Variants in RPS6KA6 observed in about 807,000 individuals in gnomAD.
RPS6KA6 encodes the protein ribosomal protein S6 kinase alpha-6.
RPS6KA6 carries 27 observed loss-of-function variants against 65.4 expected under a neutral mutation model. The ratio of observed to expected loss-of-function variants is 0.41; its 90% confidence interval spans 0.30 to 0.57. The LOEUF is 0.57. RPS6KA6 is among the 20% of genes least tolerant of loss of function. The probability of loss-of-function intolerance (pLI) is 0.24; values close to 1 mark genes in which losing one functional copy is unlikely to be tolerated. For missense variants in RPS6KA6, 486 were observed against 555.6 expected (o/e 0.87, Z 1.26); for synonymous variants, 190 against 184.2 (o/e 1.03, Z -0.26).
At position 84,187,839 on chromosome X, in the gene RPS6KA6, C is replaced by T. The variant is rs1162253294; in HGVS notation, c.61G>A (p.Gly21Ser). 1 of 1,205,940 alleles carries T rather than the reference C, an allele frequency of 8.3e-7. No individual in the cohort carries two copies. Among genetic ancestry groups the T allele is most frequent in the South Asian group, 1.8e-5 (1 of 56,028 alleles). The change falls in exon 1 of 22, where the codon GGC (glycine) becomes AGC (serine). Residue 21 changes from glycine (G) to serine (S), a missense_variant. Around this residue, in one of 3 missense-constraint regions of RPS6KA6, gnomAD observed 106 missense variants for 105.0 expected, o/e 1.01. Transcript: ENST00000262752. ...CTAACCTCGCCGCTGCTCGCGCCGC[C>T]GCCGCTGAACACTTCCATTTCTCGG... is the stretch of plus-strand genomic sequence containing the variant. ...WDREMEVFSG[G>S]GASSGEVNGL...
At chrX:84,108,550 CAGG>C (rs2147440365) in intron 12 of RPS6KA6, among the ~76,000 whole-genome samples, 1 of 111,739 alleles carries the variant, frequency 8.9e-6, no homozygotes, top group East Asian at 2.9e-4. Flanking sequence ...GGTGTGGAGC[CAGG>C]AGATCTTCGA....
chrX:84,187,953 C>A lies in RPS6KA6; in HGVS notation c.-54G>T, dbSNP rs1479212601. The A allele has an allele frequency of 8.5e-6, 9 of 1,060,857 alleles. No individual in the cohort carries two copies. The Admixed American group carries it at 2.4e-4, about 28-fold the overall frequency. The allele number at this position is 1,060,857 out of a possible 1,213,427, so 87.4% of individuals were successfully genotyped here. Reference sequence around the variant, plus strand: ...CTGCCGCCTACCGCTGGCGCGGCCGCGCATCCTGTCTATTGAACTGGCCCG... The same window carrying A: ...CTGCCGCCTACCGCTGGCGCGGCCGAGCATCCTGTCTATTGAACTGGCCCG... On this transcript the variant is annotated 5_prime_UTR_variant, in exon 1 of 22. Coordinates refer to ENST00000262752, the MANE Select transcript of RPS6KA6 (RefSeq NM_014496.5).
chrX:84,093,369 A>C (rs1018107480), intron 20 of RPS6KA6, among the ~76,000 whole-genome samples: 2 of 112,409 alleles, frequency 1.8e-5, no homozygotes, highest in Non-Finnish European at 3.8e-5. Flanking sequence ...CCTAGTTTAA[A>C]ACAAATGTAA....
At chrX:84,171,644 C>G (rs148758811) in intron 1 of RPS6KA6, among the ~76,000 whole-genome samples, 519 of 111,390 alleles carry the variant, frequency 4.7e-3, no homozygotes, top group Middle Eastern at 0.014. Context: ...CTAACTTAAG[C>G]ACAGTATAGA....
chrX:84,140,586 A>C (rs1240049345), intron 6 of RPS6KA6, among the ~76,000 whole-genome samples: 1 of 107,419 alleles, frequency 9.3e-6, no homozygotes, highest in African/African-American at 3.4e-5. Flanking sequence ...AAAATACAAG[A>C]ATTAGCCGGG....
At chrX:84,139,247 A>T (rs2147524951) in intron 6 of RPS6KA6, among the ~76,000 whole-genome samples, 1 of 112,198 alleles carries the variant, frequency 8.9e-6, no homozygotes, top group African/African-American at 3.2e-5. Flanking sequence ...AGAGTTTAAA[A>T]GAAAATTAGA....
chrX:84,148,630 T>C (rs1159909211), intron 3 of RPS6KA6, among the ~76,000 whole-genome samples: 2 of 111,474 alleles, frequency 1.8e-5, no homozygotes, highest in African/African-American at 6.5e-5. Flanking sequence ...TTGAGCTACA[T>C]ACCTCCTTTT....
rs2033311834 is a variant in RPS6KA6 at position 84,062,175 on chromosome X, C to A, written c.*2102G>T. On this transcript the variant is annotated 3_prime_UTR_variant, in exon 22 of 22. Coordinates refer to ENST00000262752, the MANE Select transcript of RPS6KA6 (RefSeq NM_014496.5). The stretch of plus-strand genomic sequence containing the variant: ...TTCCTTTTATGATAGGACTGTATGG[C>A]ATGACCTTTCTGAGCAAGCTAATTT... 9.0e-6 allele frequency: 1 copy of A among 110,811 alleles called. No homozygotes were observed. The highest frequency in any genetic ancestry group is 1.9e-5 in the Non-Finnish European group (1 of 52,664). 9.1% of individuals were successfully genotyped at this position (110,811 alleles called of 1,213,427 possible). A position where few individuals can be genotyped will look rare whatever the true frequency, so the allele number is the denominator to read the frequency against.
chrX:84,124,794 T>A (rs1054503586), intron 8 of RPS6KA6, among the ~76,000 whole-genome samples: 1 of 111,224 alleles, frequency 9.0e-6, no homozygotes, highest in Non-Finnish European at 1.9e-5. Context: ...GAAATAAACA[T>A]ACAAGTGCAA....
chrX:84,168,319 C>A lies in RPS6KA6; in HGVS notation c.82-3932G>T, dbSNP rs184687409. ...TTACTCAGTGACTAACTCTGAGTTC[C>A]TGATCCATATATCCAACTGCATACT... On this transcript the variant is annotated intron_variant, in intron 1 of 21. Coordinates refer to ENST00000262752, the MANE Select transcript of RPS6KA6 (RefSeq NM_014496.5). Among the ~76,000 whole-genome samples, 534 of 111,675 alleles carry A rather than the reference C, an allele frequency of 4.8e-3. 2 individuals are homozygous for A. Among genetic ancestry groups the A allele is most frequent in the Non-Finnish European group, 8.0e-3 (426 of 53,120 alleles).
intron 20 of RPS6KA6, among the ~76,000 whole-genome samples, chrX:84,082,728 G>A (rs1347421877): frequency 9.0e-6 from 1 of 111,589 alleles, no homozygotes; most frequent in African/African-American, 3.3e-5. Flanking sequence ...AAAACAGCAT[G>A]GTACTGGTAC....
chrX:84,105,953 A>AT lies in RPS6KA6; in HGVS notation c.1366-78dup, dbSNP rs2034352442. On this transcript the variant is annotated intron_variant, in intron 15 of 21. Coordinates refer to ENST00000262752, the MANE Select transcript of RPS6KA6 (RefSeq NM_014496.5). ...TAAAATGAGTATTTTCCATTTGGTTATATTTTTGAAGAAATGCTTAAAAAC... is the reference window on the plus strand; with the variant it reads ...TAAAATGAGTATTTTCCATTTGGTTATTATTTTTGAAGAAATGCTTAAAAAC... The AT allele has an allele frequency of 5.5e-6, 3 of 547,608 alleles. No individual in the cohort carries two copies. The Admixed American group carries it at 1.0e-4, about 18-fold the overall frequency. The allele number at this position is 547,608 out of a possible 1,213,427, so 45.1% of individuals were successfully genotyped here. A position where few individuals can be genotyped will look rare whatever the true frequency, so the allele number is the denominator to read the frequency against.
chrX:84,106,353 C>T lies in RPS6KA6; in HGVS notation c.1365+12G>A. The T allele has an allele frequency of 1.7e-6, 2 of 1,198,540 alleles. No individual in the cohort carries two copies. The highest frequency in any genetic ancestry group is 2.3e-6 in the Non-Finnish European group (2 of 888,475). On this transcript the variant is annotated intron_variant, in intron 15 of 21. Coordinates refer to ENST00000262752, the MANE Select transcript of RPS6KA6 (RefSeq NM_014496.5). ...ATAAAACAAACAAGAAAGCTAGGCT[C>T]AGAGACAATACCTTCACTGCAAATT...
chrX:84,154,744 CCT>C (rs1215697129), intron 3 of RPS6KA6, among the ~76,000 whole-genome samples: 2 of 110,983 alleles, frequency 1.8e-5, no homozygotes, highest in African/African-American at 3.3e-5. Flanking sequence ...GTCCTATCTC[CCT>C]GTCTTATATA....
intron 3 of RPS6KA6, among the ~76,000 whole-genome samples, chrX:84,149,081 CAGA>C (rs2035252647): frequency 8.9e-6 from 1 of 111,811 alleles, no homozygotes; most frequent in South Asian, 3.7e-4. Flanking sequence ...GCATCTTCAC[CAGA>C]AGTAGATTTC....
At position 84,140,758 on chromosome X, in the gene RPS6KA6, C is replaced by CATATATATATATATATATATATATAT. The variant is rs1191737057; in HGVS notation, c.501+4719_501+4720insATATATATATATATATATATATATAT. ...CAAAAAAAAAAAAAAAAAAAACATACATATATATATATATAGTCAAACATG... is the reference window on the plus strand; with the variant it reads ...CAAAAAAAAAAAAAAAAAAAACATACATATATATATATATATATATATATATATATATATATATATAGTCAAACATG... On this transcript the variant is annotated intron_variant, in intron 6 of 21. Transcript: ENST00000262752. Among the ~76,000 whole-genome samples, 481 of 79,052 alleles carry CATATATATATATATATATATATATAT rather than the reference C, an allele frequency of 6.1e-3. 3 individuals carry two copies. The highest frequency in any genetic ancestry group is 0.01 in the Non-Finnish European group (412 of 39,712). The allele number at this position is 79,052 out of a possible 115,157, so 68.6% of individuals were successfully genotyped here.
chrX:84,065,477 G>A (rs909530413), intron 20 of RPS6KA6, among the ~76,000 whole-genome samples: 1 of 111,376 alleles, frequency 9.0e-6, no homozygotes, highest in African/African-American at 3.3e-5. Context: ...CAAGGTGTAA[G>A]GGTATGTGTA....
intron 1 of RPS6KA6, 131 bp downstream of exon 1, chrX:84,187,688 G>A (rs1471786359): frequency 4.0e-5 from 23 of 570,989 alleles, no homozygotes; most frequent in Non-Finnish European, 5.4e-5. Context: ...GGGCAGTGGA[G>A]GCAGCATCAA....
chrX:84,087,904 G>A (rs1311491995), intron 20 of RPS6KA6, among the ~76,000 whole-genome samples: 8 of 111,829 alleles, frequency 7.2e-5, no homozygotes, highest in Non-Finnish European at 1.5e-4. Context: ...CAGAAAGATA[G>A]TCTTCAAGCT....
Sources: gnomAD v4.1 joint callset for allele counts (sites outside exome capture counted in the v4.1 genomes callset) on GRCh38, gnomAD v4.1.1 for gene constraint, gnomAD v4.1.1 regional missense constraint, MANE v1.5 for transcripts, NCBI Gene and HGNC (gene_info 2026-07-23, HGNC 2026-07-21) for gene names.